The following MTOR variants were observed in gnomAD, a reference collection of about 807,000 sequenced individuals.
MTOR encodes the protein mechanistic target of rapamycin kinase.
In MTOR, 70 loss-of-function variants were observed where a neutral mutation model predicts 319.8. That is an observed-to-expected ratio of 0.22 (90% CI 0.18 to 0.27). MTOR has a LOEUF of 0.27. MTOR is among the 10% of genes least tolerant of loss of function. The pLI is 1.00. For missense variants in MTOR, 1,890 were observed against 3,274.4 expected (o/e 0.58, Z 10.32); for synonymous variants, 1,183 against 1,211.4 (o/e 0.98, Z 0.49).
At chr1:11,247,779 G>A in intron 7 of MTOR, 40 bp downstream of exon 7, 1 of 1,613,012 alleles carries the variant, frequency 6.2e-7, no homozygotes, top group South Asian at 1.1e-5. Flanking sequence ...AGTGAGGTGT[G>A]GAGCTTAGGA....
chr1:11,146,875 G>C, intron 31 of MTOR, 84 bp from the exon 32 acceptor site: 1 of 927,762 alleles, frequency 1.1e-6, no homozygotes, highest in Non-Finnish European at 1.8e-6. Context: ...TCTTGCCACT[G>C]TTATTTTCCT....
intron 57 of MTOR, 69 bp from the exon 58 acceptor site, chr1:11,107,569 T>A: frequency 6.4e-7 from 1 of 1,561,452 alleles, no homozygotes; most frequent in East Asian, 2.3e-5. Context: ...ACAGATAACT[T>A]GAAAATGAAA....
At position 11,109,435 on chromosome 1, in the gene MTOR, C is replaced by T. The variant is rs763244145; in HGVS notation, c.7448-65G>A. The T allele has an allele frequency of 1.2e-5, 17 of 1,451,674 alleles. No homozygotes were observed. Among genetic ancestry groups the T allele is most frequent in the Admixed American group, 1.8e-5 (1 of 55,346 alleles). The allele number at this position is 1,451,674 out of a possible 1,614,324, so 89.9% of individuals were successfully genotyped here. On this transcript the variant is annotated intron_variant, in intron 55 of 57. Coordinates refer to ENST00000361445, the MANE Select transcript of MTOR (RefSeq NM_004958.4). The surrounding 1 kb of genome is among the most constrained non-coding windows in gnomAD (Gnocchi z 4.0). ...GCAATACAACAGGTTCAATGGGTGC[C>T]CTGTTTTTCTCAAATATTCACTTTT...
chr1:11,176,802 C>G (rs1645007512), intron 28 of MTOR, among the ~76,000 whole-genome samples: 1 of 152,228 alleles, frequency 6.6e-6, no homozygotes, highest in Admixed American at 6.5e-5. Context: ...GCAGGATTAA[C>G]AACCAAATAG....
intron 47 of MTOR, 77 bp from the exon 48 acceptor site, chr1:11,122,203 TG>T (rs1402844041): frequency 3.0e-5 from 45 of 1,513,530 alleles, no homozygotes; most frequent in Admixed American, 1.7e-4. Flanking sequence ...ACAGGCAGAC[TG>T]TTTTTTTTTT....
Position 11,231,374 on chromosome 1 carries a change from T to G in MTOR, c.2575A>C (p.Arg859=), listed in dbSNP as rs776799937. 6.2e-7 allele frequency: 1 copy of G among 1,614,202 alleles called. No individual in the cohort carries two copies. Among genetic ancestry groups the G allele is most frequent in the Admixed American group, 1.7e-5 (1 of 60,022 alleles). ...ASTGYVVEPY[R]KYPTLLEVLL... is the part of the protein sequence containing the mutation. ...ACCTCAAGCAAAGTAGGGTACTTCC[T>G]GTAGGGCTCTACTACATAGCCAGTG... The change falls in exon 17 of 58, where the codon AGG becomes CGG. Residue 859 remains arginine (R), a synonymous_variant. Coordinates refer to ENST00000361445, the MANE Select transcript of MTOR (RefSeq NM_004958.4).
rs774794343 is a variant in MTOR, at chr1:11,195,014, C to T, written c.4253+4244G>A. Reference sequence around the variant, plus strand: ...AGATGAAAATCCGCCCAGAAGACTTCAAGCCTTAAAAGGAGGCTGCCGTGG... The same window carrying T: ...AGATGAAAATCCGCCCAGAAGACTTTAAGCCTTAAAAGGAGGCTGCCGTGG... On this transcript the variant is annotated intron_variant, in intron 28 of 57. Transcript: ENST00000361445. 3.1e-6 allele frequency: 5 copies of T among 1,613,584 alleles called. No individual in the cohort carries two copies. In the Admixed American group the frequency reaches 8.3e-5, roughly 27 times the overall value.
In MTOR at chr1:11,167,485, G is replaced by C; in HGVS notation, c.4286C>G (p.Ala1429Gly). Residue 1429 changes from alanine (A) to glycine (G), a missense_variant, in exon 29 of 58, where the codon GCG (alanine) becomes GGG (glycine). This residue lies in a region of MTOR where 45 missense variants were observed against 107.2 expected (regional missense o/e 0.42). Coordinates refer to ENST00000361445, the MANE Select transcript of MTOR (RefSeq NM_004958.4). ...INNKLQQPEA[A>G]AGVLEYAMKH... ...CATGGCATATTCTAACACTCCGGCC[G>C]CTGCCTCCGGCTGCTGTAGCTTATT... 1 of 1,612,808 alleles carries C rather than the reference G, an allele frequency of 6.2e-7. No homozygotes were observed. The highest frequency in any genetic ancestry group is 2.2e-5 in the East Asian group (1 of 44,862).
Position 11,199,957 on chromosome 1 carries a change from C to T in MTOR, c.3945-254G>A, listed in dbSNP as rs6692810. 6.6e-6 allele frequency among the ~76,000 whole-genome samples: 1 copy of T among 152,170 alleles called. No individual in the cohort carries two copies. Among genetic ancestry groups the T allele is most frequent in the South Asian group, 2.1e-4 (1 of 4,830 alleles). Reference sequence around the variant, plus strand: ...TTTATTTTTAATTAACCACATATGGCTAGTGTCTACTGAATTTTACACTGC... The same window carrying T: ...TTTATTTTTAATTAACCACATATGGTTAGTGTCTACTGAATTTTACACTGC... On this transcript the variant is annotated intron_variant, in intron 26 of 57. Transcript: ENST00000361445. The surrounding 1 kb of genome is among the most constrained non-coding windows in gnomAD (Gnocchi z 4.5).
At chr1:11,235,855 G>A (rs538364034) in intron 13 of MTOR, among the ~76,000 whole-genome samples, 18 of 152,070 alleles carry the variant, frequency 1.2e-4, no homozygotes, top group African/African-American at 3.4e-4. Flanking sequence ...GGTGGCGGGC[G>A]CCTGTAGTCC....
At chr1:11,154,732 C>T (rs1644263909) in intron 30 of MTOR, among the ~76,000 whole-genome samples, 3 of 152,174 alleles carry the variant, frequency 2.0e-5, no homozygotes, top group Non-Finnish European at 4.4e-5. Flanking sequence ...TTCTGTAGTT[C>T]CTTCTACTCA....
At chr1:11,137,949 T>A (rs188429452) in intron 36 of MTOR, among the ~76,000 whole-genome samples, 1 of 152,182 alleles carries the variant, frequency 6.6e-6, no homozygotes, top group Non-Finnish European at 1.5e-5. Context: ...TTTCCTTGGG[T>A]AGCTCCTTAA....
Position 11,166,250 on chromosome 1 carries a change from T to C in MTOR, c.4329+1192A>G, listed in dbSNP as rs548659172. ...CAAAAGCCAAAATTGACAAATGGGA[T>C]CTAATTAAACTAAAGAGCTTCTGCA... On this transcript the variant is annotated intron_variant, in intron 29 of 57. Transcript: ENST00000361445. 3.5e-3 allele frequency among the ~76,000 whole-genome samples: 532 copies of C among 152,218 alleles called. 6 individuals carry two copies. The highest frequency in any genetic ancestry group is 0.012 in the African/African-American group (503 of 41,534).
Position 11,139,121 on chromosome 1 carries a change from C to A in MTOR, c.5130+183G>T. The A allele has an allele frequency of 4.1e-6, 3 of 729,530 alleles. No homozygotes were observed. In the South Asian group the frequency reaches 6.0e-5, roughly 15 times the overall value. The allele number at this position is 729,530 out of a possible 1,614,324, so 45.2% of individuals were successfully genotyped here. A position where few individuals can be genotyped will look rare whatever the true frequency, so the allele number is the denominator to read the frequency against. ...TTGATCAATGGTATACACACCATCT[C>A]CTCAACTATGATTCACTCTATGAAA... On this transcript the variant is annotated intron_variant, in intron 36 of 57. Transcript: ENST00000361445.
At chr1:11,135,546 C>G (rs1643362917) in intron 36 of MTOR, among the ~76,000 whole-genome samples, 1 of 152,154 alleles carries the variant, frequency 6.6e-6, no homozygotes, top group Non-Finnish European at 1.5e-5. Context: ...TAAATAAAAA[C>G]ATGTTAGCCA....
Position 11,258,487 on chromosome 1 carries a change from A to G in MTOR, c.269T>C (p.Ile90Thr). ...ANERKGGILAIASLIGVEGGN... is the reference protein window; with the variant it reads ...ANERKGGILATASLIGVEGGN... ...GTGACCAGAGACTCTGTCCTTACCT[A>G]TGGCCAAGATGCCACCTTTCCTCTC... Residue 90 changes from isoleucine to threonine, a missense_variant and splice_region_variant, in exon 3 of 58, where the codon ATA becomes ACA. Physicochemically the swap from Ile to Thr is moderately conservative, Grantham distance 89. Transcript: ENST00000361445. 1 of 1,610,780 alleles carries G rather than the reference A, an allele frequency of 6.2e-7. No homozygotes were observed. The highest frequency in any genetic ancestry group is 8.5e-7 in the Non-Finnish European group (1 of 1,177,178).
At position 11,210,856 on chromosome 1, in the gene MTOR, G is replaced by C. The variant is rs767734840; in HGVS notation, c.3612C>G (p.Ile1204Met). Residue 1204 changes from isoleucine (I) to methionine (M), a missense_variant, in exon 24 of 58, where the codon ATC becomes ATG. By Grantham distance (10) the Ile-to-Met change is conservative. Coordinates refer to ENST00000361445, the MANE Select transcript of MTOR (RefSeq NM_004958.4). ...TGAGCACATCATAGCGCTGATGATT[G>C]ATTCGGTGTCGCACCAGAACTTTAT... ...MVNKVLVRHR[I>M]NHQRYDVLIC... The C allele has an allele frequency of 6.2e-7, 1 of 1,613,942 alleles. No individual in the cohort carries two copies. Among genetic ancestry groups the C allele is most frequent in the Non-Finnish European group, 8.5e-7 (1 of 1,179,954 alleles).
At chr1:11,160,243 G>C (rs1040350660) in intron 29 of MTOR, among the ~76,000 whole-genome samples, 4 of 152,036 alleles carry the variant, frequency 2.6e-5, no homozygotes, top group Admixed American at 2.0e-4. Flanking sequence ...TGTGATTACA[G>C]GTATGCACCA....
At chr1:11,209,879 T>A (rs1367903985) in intron 24 of MTOR, among the ~76,000 whole-genome samples, 1 of 152,176 alleles carries the variant, frequency 6.6e-6, no homozygotes, top group African/African-American at 2.4e-5. Context: ...TATTTACTTA[T>A]TTTTTTGAGA....
Sources: gnomAD v4.1 joint callset for allele counts (sites outside exome capture counted in the v4.1 genomes callset) on GRCh38, gnomAD v4.1.1 for gene constraint, gnomAD v4.1.1 regional missense constraint, Gnocchi (gnomAD v3.1) non-coding constraint, MANE v1.5 for transcripts, NCBI Gene and HGNC (gene_info 2026-07-23, HGNC 2026-07-21) for gene names.